The following ABCG2 variants were observed in gnomAD, a reference collection of about 807,000 sequenced individuals.
ABCG2 encodes ATP binding cassette subfamily G member 2 (JR blood group).
ABCG2 carries 80 observed loss-of-function variants against 73.5 expected under a neutral mutation model. The observed-to-expected ratio is 1.09, with a 90% confidence interval of 0.91 to 1.31. The LOEUF is 1.31. Ranked by LOEUF, ABCG2 falls within the 50% of genes most tolerant of loss-of-function variation. The pLI is 0.00. For missense variants in ABCG2, 796 were observed against 786.2 expected (o/e 1.01, Z -0.15); for synonymous variants, 269 against 282.4 (o/e 0.95, Z 0.48).
Position 88,139,949 on chromosome 4 carries a change from T to C in ABCG2, c.47A>G (p.Asn16Ser). Reference sequence around the variant, plus strand: ...AGCTGTCGCGGGGAAGCCATTGGTGTTTCCTTGTGACACTGGGATAAAAAC... The same window carrying C: ...AGCTGTCGCGGGGAAGCCATTGGTGCTTCCTTGTGACACTGGGATAAAAAC... Reference protein sequence around the residue: ...VEVFIPVSQGNTNGFPATASN... With the variant: ...VEVFIPVSQGSTNGFPATASN... Residue 16 changes from asparagine (N) to serine (S), a missense_variant, in exon 2 of 16, where the codon AAC becomes AGC. Physicochemically the swap from Asn to Ser is conservative, Grantham distance 46. Coordinates refer to ENST00000237612, the MANE Select transcript of ABCG2 (RefSeq NM_004827.3). 6.2e-7 allele frequency: 1 copy of C among 1,614,150 alleles called. No homozygotes were observed. The highest frequency in any genetic ancestry group is 1.1e-5 in the South Asian group (1 of 91,076).
intron 10 of ABCG2, among the ~76,000 whole-genome samples, chr4:88,105,478 A>G (rs192781547): frequency 6.6e-6 from 1 of 152,312 alleles, no homozygotes; most frequent in East Asian, 1.9e-4. Context: ...TATGTTCAGA[A>G]CACAATACAG....
intron 8 of ABCG2, among the ~76,000 whole-genome samples, chr4:88,114,106 C>T (rs1431250736): frequency 6.6e-6 from 1 of 151,962 alleles, no homozygotes; most frequent in African/African-American, 2.4e-5. Flanking sequence ...AATTCAAGAC[C>T]AGCCTGAGCA....
intron 6 of ABCG2, among the ~76,000 whole-genome samples, chr4:88,119,745 C>T (rs1039387338): frequency 9.2e-5 from 14 of 152,082 alleles, no homozygotes; most frequent in Admixed American, 3.9e-4. Context: ...AGAGGTGACT[C>T]GGGTGCTGTT....
upstream of ABCG2, chr4:88,159,192 G>C (rs1399821381): frequency 4.4e-6 from 2 of 456,340 alleles, no homozygotes; most frequent in Admixed American, 2.3e-5. Flanking sequence ...GCGCTCATTG[G>C]GCTGATCAGT....
rs137898464 is a variant in ABCG2, at chr4:88,117,579, G to A, written c.841+530C>T. ...GTGAACCCGAGAGGCAGAGCTTGCA[G>A]TGAGCCAAGATCACGTCACTGCACT... On this transcript the variant is annotated intron_variant, in intron 7 of 15. Coordinates refer to ENST00000237612, the MANE Select transcript of ABCG2 (RefSeq NM_004827.3). Among the ~76,000 whole-genome samples the A allele has an allele frequency of 5.8e-3, 881 of 152,258 alleles. 10 individuals carry two copies. Among genetic ancestry groups the A allele is most frequent in the African/African-American group, 0.02 (844 of 41,546 alleles).
chr4:88,175,299 T>TTG (rs1249153897), intron 1 of ABCG2, among the ~76,000 whole-genome samples: 1 of 152,220 alleles, frequency 6.6e-6, no homozygotes, highest in Non-Finnish European at 1.5e-5. Flanking sequence ...ATCCTAGGTG[T>TTG]TGTATACTTC....
At chr4:88,147,884 T>C (rs1048744598) in intron 1 of ABCG2, among the ~76,000 whole-genome samples, 11 of 152,200 alleles carry the variant, frequency 7.2e-5, no homozygotes, top group Admixed American at 1.3e-4. Context: ...AAGAACGCAG[T>C]ATGATTAACA....
Position 88,131,925 on chromosome 4 carries a change from A to C in ABCG2, c.264-8T>G. On this transcript the variant is annotated splice_region_variant and splice_polypyrimidine_tract_variant and intron_variant, in intron 3 of 15. Transcript: ENST00000237612. ...GCTAAGACATCTAATAACCTATAAG[A>C]GGACATATATGTTGTGGGTCTAATA... The C allele has an allele frequency of 6.2e-7, 1 of 1,601,730 alleles. No homozygotes were observed.
At chr4:88,169,417 G>A (rs569415290) in intron 1 of ABCG2, among the ~76,000 whole-genome samples, 11 of 152,098 alleles carry the variant, frequency 7.2e-5, no homozygotes, top group Non-Finnish European at 1.5e-4. Context: ...ATATTTTGCA[G>A]GTCATAAAGG....
At chr4:88,217,361 A>G (rs879259206) in intron 1 of ABCG2, among the ~76,000 whole-genome samples, 1 of 152,134 alleles carries the variant, frequency 6.6e-6, no homozygotes, top group Non-Finnish European at 1.5e-5. Context: ...ATATTTGCAC[A>G]TAACAAGAAT....
intron 5 of ABCG2, among the ~76,000 whole-genome samples, chr4:88,125,718 A>C (rs1000315340): frequency 6.6e-6 from 1 of 151,848 alleles, no homozygotes; most frequent in Non-Finnish European, 1.5e-5. Context: ...AAATAAATAA[A>C]TTCTTTGAAA....
chr4:88,109,332 T>C (rs1722973364), intron 9 of ABCG2, among the ~76,000 whole-genome samples: 1 of 152,220 alleles, frequency 6.6e-6, no homozygotes, highest in Non-Finnish European at 1.5e-5. Context: ...AAATGCTTTG[T>C]CAAGTTTTCA....
rs187230470 is a variant in ABCG2 at position 88,206,923 on chromosome 4, C to A, written c.-20+24071G>T. 4.6e-5 allele frequency among the ~76,000 whole-genome samples: 7 copies of A among 152,282 alleles called. No homozygotes were observed. In the East Asian group the frequency reaches 1.4e-3, roughly 29 times the overall value. On this transcript the variant is annotated intron_variant, in intron 1 of 15. Transcript: ENST00000515655. ...CCCAAGTCCCCACCCGACCCAGAAG[C>A]CCAGCCAGCTTCATCTCTCACCACC...
At chr4:88,147,993 T>C (rs1236622036) in intron 1 of ABCG2, among the ~76,000 whole-genome samples, 1 of 152,188 alleles carries the variant, frequency 6.6e-6, no homozygotes, top group Non-Finnish European at 1.5e-5. Flanking sequence ...CAACCTCACA[T>C]TCCTTTGATA....
chr4:88,135,432 T>C (rs1725170950), intron 2 of ABCG2, among the ~76,000 whole-genome samples: 1 of 152,196 alleles, frequency 6.6e-6, no homozygotes, highest in Non-Finnish European at 1.5e-5. Flanking sequence ...TCACCTCTAT[T>C]ACATTTTAGT....
At chr4:88,135,822 G>C (rs1357559923) in intron 2 of ABCG2, among the ~76,000 whole-genome samples, 1 of 152,178 alleles carries the variant, frequency 6.6e-6, no homozygotes, top group African/African-American at 2.4e-5. Context: ...AAAAAACGTT[G>C]AGAAGAGATA....
At chr4:88,185,228 G>A (rs1728404636) in intron 1 of ABCG2, among the ~76,000 whole-genome samples, 1 of 152,158 alleles carries the variant, frequency 6.6e-6, no homozygotes, top group South Asian at 2.1e-4. Flanking sequence ...GCTGGGCGTG[G>A]TTGTGGGCAC....
intron 5 of ABCG2, among the ~76,000 whole-genome samples, chr4:88,129,376 C>A (rs1456792984): frequency 6.6e-6 from 1 of 152,078 alleles, no homozygotes; most frequent in Admixed American, 6.6e-5. Flanking sequence ...CAAAAAGTAA[C>A]ATATTTTAAA....
chr4:88,224,119 A>C (rs1420832698), intron 1 of ABCG2, among the ~76,000 whole-genome samples: 3 of 152,086 alleles, frequency 2.0e-5, no homozygotes, highest in African/African-American at 7.2e-5. Flanking sequence ...CAAATATGTA[A>C]TTTTCTCCCA....
Sources: gnomAD v4.1 joint callset for allele counts (sites outside exome capture counted in the v4.1 genomes callset) on GRCh38, gnomAD v4.1.1 for gene constraint, MANE v1.5 for transcripts, NCBI Gene and HGNC (gene_info 2026-07-23, HGNC 2026-07-21) for gene names.